PAX8: variants seen among roughly 807,000 people sequenced by gnomAD.
PAX8 encodes the protein paired box protein Pax-8.
PAX8 carries 15 observed loss-of-function variants against 52.4 expected under a neutral mutation model. The ratio of observed to expected loss-of-function variants is 0.29; its 90% CI spans 0.19 to 0.44. The LOEUF (loss-of-function observed/expected upper bound fraction) is 0.44. Ranked by LOEUF, PAX8 falls within the 20% of genes least tolerant of loss-of-function variation. The pLI, the probability that PAX8 is intolerant of heterozygous loss-of-function variation, is 1.00. For missense variants in PAX8, 554 were observed against 602.5 expected, an observed-to-expected ratio of 0.92 and a Z score of 0.84; for synonymous variants, 284 against 249.7, an observed-to-expected ratio of 1.14 and a Z score of -1.29.
chr2:113,277,953 A>T (rs1376878575), intron 2 of PAX8, among the ~76,000 whole-genome samples: 1 of 152,096 alleles, frequency 6.6e-6, no homozygotes, highest in Non-Finnish European at 1.5e-5. Flanking sequence ...AGTCACTGGG[A>T]AGGACTGCGC....
chr2:113,242,200 G>A, intron 5 of PAX8, 70 bp from the exon 6 acceptor site: 4 of 1,391,476 alleles, frequency 2.9e-6, no homozygotes, highest in Non-Finnish European at 3.0e-6. Flanking sequence ...TGACTCTGGG[G>A]TAGTTACAGT....
At chr2:113,247,633 C>G (rs191677907) in intron 2 of PAX8, among the ~76,000 whole-genome samples, 1 of 152,216 alleles carries the variant, frequency 6.6e-6, no homozygotes. Flanking sequence ...GGAATCTATC[C>G]ACGTCATGGA....
intron 7 of PAX8, chr2:113,239,654 A>G (rs995885824): frequency 6.6e-6 from 1 of 152,236 alleles, no homozygotes; most frequent in Non-Finnish European, 1.5e-5. Context: ...GTAATGAATA[A>G]TTTATGGACA....
rs146033813 is a variant in PAX8, at chr2:113,227,730, T to C, written c.1088-474A>G. On this transcript the variant is annotated intron_variant, in intron 9 of 11. Coordinates refer to ENST00000429538, the MANE Select transcript of PAX8 (RefSeq NM_003466.4). ...CCAAGAATAAGACCCTATGAAGGGA[T>C]GGCATGTATGTGGGCCACTAACTCA... 2.7e-4 allele frequency among the ~76,000 whole-genome samples: 41 copies of C among 152,278 alleles called. 1 individual carries two copies. Among genetic ancestry groups the C allele is most frequent in the Admixed American group, 2.5e-3 (39 of 15,300 alleles).
chr2:113,245,227 A>G (rs1007170194), intron 3 of PAX8, among the ~76,000 whole-genome samples: 2 of 151,850 alleles, frequency 1.3e-5, no homozygotes, highest in African/African-American at 4.8e-5. Context: ...TTGCATTTTT[A>G]GTAGAGACAG....
In PAX8 at chr2:113,244,473, C is replaced by T; in HGVS notation, c.343G>A (p.Gly115Ser). 1 of 1,614,150 alleles carries T rather than the reference C, an allele frequency of 6.2e-7. No individual in the cohort carries two copies. Among genetic ancestry groups the T allele is most frequent in the Non-Finnish European group, 8.5e-7 (1 of 1,180,026 alleles). The stretch of plus-strand genomic sequence containing the variant: ...GGCACAGTGTCATTGTCACAGACGC[C>T]CTCAGCCAGGAGCCGGTCTCGGATC... ...WEIRDRLLAE[G>S]VCDNDTVPSV... The change falls in exon 4 of 12, where the codon GGC becomes AGC. Residue 115 changes from glycine (G) to serine (S), a missense_variant. Around this residue, in one of 2 missense-constraint regions of PAX8, gnomAD observed 109 missense variants for 192.7 expected, o/e 0.57. Coordinates refer to ENST00000429538, the MANE Select transcript of PAX8 (RefSeq NM_003466.4).
At chr2:113,274,394 A>G (rs1693667159) in intron 2 of PAX8, 1 of 152,044 alleles carries the variant, frequency 6.6e-6, no homozygotes, top group Admixed American at 6.6e-5. Flanking sequence ...TGTTAACAAA[A>G]ATGTATTTTG....
chr2:113,218,118 T>C lies in PAX8; in HGVS notation c.*415A>G, dbSNP rs1297516800. ...GGAGGGAAGTGCTTATGGTCCATAA[T>C]TGCTAGAGTTGTGTTAATAATGGAG... On this transcript the variant is annotated 3_prime_UTR_variant, in exon 12 of 12. Coordinates refer to ENST00000429538, the MANE Select transcript of PAX8 (RefSeq NM_003466.4). 1 of 240,188 alleles carries C rather than the reference T, an allele frequency of 4.2e-6. No individual in the cohort carries two copies. The highest frequency in any genetic ancestry group is 8.1e-6 in the Non-Finnish European group (1 of 123,344). 14.9% of individuals were successfully genotyped at this position (240,188 alleles called of 1,614,324 possible).
At position 113,241,731 on chromosome 2, in the gene PAX8, T is replaced by C. The variant is rs771497041; in HGVS notation, c.602-5A>G. 1.4e-5 allele frequency: 22 copies of C among 1,613,856 alleles called. No individual in the cohort carries two copies. The African/African-American group carries it at 2.4e-4, about 18-fold the overall frequency. On this transcript the variant is annotated splice_region_variant and splice_polypyrimidine_tract_variant and intron_variant, in intron 6 of 11. Coordinates refer to ENST00000429538, the MANE Select transcript of PAX8 (RefSeq NM_003466.4). ...GTCGGCAGCTATCCTGATCACCTGG[T>C]ACCCCCCGGGAAGGAAGAAAGCTTT... is the stretch of plus-strand genomic sequence containing the variant.
intron 9 of PAX8, among the ~76,000 whole-genome samples, chr2:113,232,704 G>T (rs906375811): frequency 6.6e-6 from 1 of 152,152 alleles, no homozygotes; most frequent in African/African-American, 2.4e-5. Flanking sequence ...AGGATGACAG[G>T]GAGGGGACAA....
chr2:113,256,633 T>C (rs1692279559), intron 2 of PAX8, among the ~76,000 whole-genome samples: 1 of 69,432 alleles, frequency 1.4e-5, no homozygotes, highest in Non-Finnish European at 3.3e-5. Context: ...TATATATATG[T>C]GTGTGTGTGT....
At chr2:113,231,893 T>TA (rs1433633568) in intron 9 of PAX8, among the ~76,000 whole-genome samples, 1 of 152,142 alleles carries the variant, frequency 6.6e-6, no homozygotes, top group Admixed American at 6.5e-5. Context: ...CACGCCTGGC[T>TA]AATTTTGTAT....
At chr2:113,225,122 A>G (rs568012144) in intron 10 of PAX8, among the ~76,000 whole-genome samples, 126 of 152,336 alleles carry the variant, frequency 8.3e-4, no homozygotes, top group Non-Finnish European at 1.6e-3. Context: ...AAACTGGGAT[A>G]GTATTAGCCT....
chr2:113,255,473 C>G (rs1034388886), intron 2 of PAX8: 1 of 152,434 alleles, frequency 6.6e-6, no homozygotes, highest in Non-Finnish European at 1.5e-5. Flanking sequence ...TGCCCTGCTT[C>G]TGAAGGAGTC....
rs1432656072 is a variant in PAX8 at position 113,216,262 on chromosome 2, C to G, written c.*2271G>C. ...TCTGCCATTGAAAAACCAGCCGCAT[C>G]TCAGATCCCTTCAGAAGAGATGGAT... On this transcript the variant is annotated 3_prime_UTR_variant, in exon 12 of 12. Coordinates refer to ENST00000429538, the MANE Select transcript of PAX8 (RefSeq NM_003466.4). 1 of 231,360 alleles carries G rather than the reference C, an allele frequency of 4.3e-6. No homozygotes were observed. The highest frequency in any genetic ancestry group is 8.6e-6 in the Non-Finnish European group (1 of 116,940). 14.3% of individuals were successfully genotyped at this position (231,360 alleles called of 1,614,324 possible).
intron 2 of PAX8, chr2:113,274,117 G>T (rs1350673027): frequency 1.3e-5 from 2 of 152,120 alleles, no homozygotes; most frequent in Non-Finnish European, 1.5e-5. Context: ...TGAAAAGATT[G>T]TGCATACAAA....
At chr2:113,226,990 C>A in intron 10 of PAX8, 165 bp downstream of exon 10, 1 of 1,524,456 alleles carries the variant, frequency 6.6e-7, no homozygotes, top group Non-Finnish European at 8.8e-7. Flanking sequence ...TGCACTGGGA[C>A]ATCGTCTCCA....
Position 113,218,243 on chromosome 2 carries a change from C to G in PAX8, c.*290G>C, listed in dbSNP as rs144113497. Reference sequence around the variant, plus strand: ...GCTTCTTCTCTCCTTTGGTGGGTACCGGCTGGGGGCTACATTTCTTCTTCA... The same window carrying G: ...GCTTCTTCTCTCCTTTGGTGGGTACGGGCTGGGGGCTACATTTCTTCTTCA... On this transcript the variant is annotated 3_prime_UTR_variant, in exon 12 of 12. Coordinates refer to ENST00000429538, the MANE Select transcript of PAX8 (RefSeq NM_003466.4). 1.1e-5 allele frequency: 4 copies of G among 349,018 alleles called. No homozygotes were observed. The highest frequency in any genetic ancestry group is 8.4e-5 in the African/African-American group (4 of 47,904). 21.6% of individuals were successfully genotyped at this position (349,018 alleles called of 1,614,324 possible). A position where few individuals can be genotyped will look rare whatever the true frequency, so the allele number is the denominator to read the frequency against.
intron 7 of PAX8, chr2:113,240,020 G>A (rs1444796480): frequency 6.6e-6 from 1 of 152,206 alleles, no homozygotes; most frequent in Non-Finnish European, 1.5e-5. Context: ...TCCTTTGGGG[G>A]GCTTAGGGAT....
Sources: allele counts gnomAD v4.1 joint callset (sites outside exome capture counted in the v4.1 genomes callset), GRCh38; gene constraint gnomAD v4.1.1; regional missense constraint gnomAD v4.1.1; transcripts MANE v1.5; gene names NCBI Gene and HGNC (gene_info 2026-07-23, HGNC 2026-07-21).